The following TAC4 variants were observed in gnomAD, a reference collection of about 807,000 sequenced individuals.
TAC4 encodes tachykinin-4.
Under a neutral mutation model 17.7 loss-of-function variants are expected in TAC4, and 17 were observed. That is an observed-to-expected ratio of 0.96 (90% CI 0.66 to 1.44). The LOEUF (loss-of-function observed/expected upper bound fraction) is 1.44, where lower values mean the gene tolerates loss of function less well. Ranked by LOEUF, TAC4 falls within the 40% of genes most tolerant of loss-of-function variation. TAC4 has a pLI of 0.00. For missense variants in TAC4, 118 were observed against 125.6 expected, an observed-to-expected ratio of 0.94 and a Z score of 0.29; for synonymous variants, 62 against 52.4, an observed-to-expected ratio of 1.18 and a Z score of -0.79.
chr17:49,840,001 G>A (rs951676559), intron 3 of TAC4, 92 bp from the exon 4 acceptor site: 7 of 1,257,696 alleles, frequency 5.6e-6, no homozygotes, highest in South Asian at 1.3e-5. Context: ...GGGCCAGGGC[G>A]AGGGCCGGGG....
intron 2 of TAC4, 145 bp downstream of exon 2, chr17:49,843,919 C>T: frequency 1.4e-6 from 1 of 707,452 alleles, no homozygotes. Flanking sequence ...TATGGACAGT[C>T]TGTGCCACCC....
chr17:49,847,881 C>T lies in TAC4; in HGVS notation c.105+32G>A, dbSNP rs371172205. On this transcript the variant is annotated intron_variant, in intron 1 of 4. Transcript: ENST00000436235. The stretch of plus-strand genomic sequence containing the variant: ...TTATCCCCTGCCCTCGTCAGAGCCT[C>T]TCCCCAAAAGTACCTCCAAGGCCAC... The T allele has an allele frequency of 5.0e-6, 8 of 1,613,816 alleles. No individual in the cohort carries two copies. In the African/African-American group the frequency reaches 1.1e-4, roughly 22 times the overall value.
At chr17:49,847,102 C>A in intron 1 of TAC4, 2 of 1,289,902 alleles carry the variant, frequency 1.6e-6, no homozygotes, top group African/African-American at 3.0e-5. Flanking sequence ...TAAGCGCCTC[C>A]GAGGACCTCA....
intron 2 of TAC4, among the ~76,000 whole-genome samples, chr17:49,843,741 G>A (rs933560949): frequency 7.2e-5 from 11 of 152,084 alleles, no homozygotes; most frequent in East Asian, 3.9e-4. Context: ...TTACAGGCAC[G>A]TGCCACCATG....
In TAC4 at chr17:49,838,534, G is replaced by A; in HGVS notation, c.*108C>T. The A allele has an allele frequency of 1.5e-6, 2 of 1,372,056 alleles. No individual in the cohort carries two copies. The highest frequency in any genetic ancestry group is 2.1e-6 in the Non-Finnish European group (2 of 968,284). 85.0% of individuals were successfully genotyped at this position (1,372,056 alleles called of 1,614,324 possible). On this transcript the variant is annotated 3_prime_UTR_variant, in exon 5 of 5. Transcript: ENST00000436235. ...GGGCCTTGTGTGAAGTGCCAGCGAT[G>A]AGGACAGGAGACACAGAGAAGAGAG...
At chr17:49,847,588 G>A (rs977819841) in intron 1 of TAC4, 5 of 358,080 alleles carry the variant, frequency 1.4e-5, no homozygotes, top group South Asian at 1.2e-4. Context: ...TTCCCCATGA[G>A]GTTGATGGGA....
intron 1 of TAC4, among the ~76,000 whole-genome samples, chr17:49,844,877 A>G (rs949097362): frequency 1.3e-5 from 2 of 152,226 alleles, no homozygotes; most frequent in Non-Finnish European, 2.9e-5. Context: ...AATCTTCACA[A>G]CCACCATAAC....
chr17:49,847,598 A>T (rs2144059669), intron 1 of TAC4: 1 of 365,094 alleles, frequency 2.7e-6, no homozygotes, highest in African/African-American at 2.1e-5. Context: ...GGTTGATGGG[A>T]GGATTGAGTT....
chr17:49,841,559 T>C lies in TAC4; in HGVS notation c.225A>G (p.Arg75=). 3 of 1,580,768 alleles carry C rather than the reference T, an allele frequency of 1.9e-6. No homozygotes were observed. The highest frequency in any genetic ancestry group is 1.8e-5 in the Admixed American group (1 of 55,682). Residue 75 remains arginine (R), a synonymous_variant, in exon 3 of 5, where the codon AGA becomes AGG. Coordinates refer to ENST00000436235, the MANE Select transcript of TAC4 (RefSeq NM_001077506.2). ...GGTTTGGGCAATACTTACCTTTTTT[T>C]CTCCTTGGCTGGATCAGAGGTCTTC... ...VGGRPLIQPR[R]KKAYQLEHTF...
intron 3 of TAC4, among the ~76,000 whole-genome samples, chr17:49,840,564 G>A (rs1182107899): frequency 2.0e-5 from 3 of 152,046 alleles, no homozygotes; most frequent in Non-Finnish European, 2.9e-5. Context: ...ATGCAGTGGC[G>A]TGATCTCGGC....
At chr17:49,841,802 G>A (rs1195522049) in intron 2 of TAC4, among the ~76,000 whole-genome samples, 1 of 152,080 alleles carries the variant, frequency 6.6e-6, no homozygotes. Context: ...ACTGGCACCT[G>A]GTGCCAGCTG....
Position 49,845,889 on chromosome 17 carries a change from G to A in TAC4, c.106-1732C>T, listed in dbSNP as rs546934504. On this transcript the variant is annotated intron_variant, in intron 1 of 4. Transcript: ENST00000436235. ...TGCTTCCCTCCCACCCCACCAGGAC[G>A]TCAGTGGCTGGGGCATCTATCTTGA... The A allele has an allele frequency of 2.3e-3, 431 of 184,718 alleles. 15 individuals are homozygous for A. In the South Asian group the frequency reaches 0.039, roughly 17 times the overall value. 11.4% of individuals were successfully genotyped at this position (184,718 alleles called of 1,614,324 possible). A position where few individuals can be genotyped will look rare whatever the true frequency, so the allele number is the denominator to read the frequency against.
intron 3 of TAC4, 33 bp from the exon 4 acceptor site, chr17:49,839,942 G>A: frequency 2.5e-6 from 4 of 1,607,096 alleles, no homozygotes; most frequent in Middle Eastern, 1.7e-4. Context: ...GTAGAGGAGA[G>A]AGGCAGCAGA....
At chr17:49,840,454 T>G (rs1402655759) in intron 3 of TAC4, among the ~76,000 whole-genome samples, 12 of 152,122 alleles carry the variant, frequency 7.9e-5, no homozygotes, top group Admixed American at 7.9e-4. Context: ...GGGACTAGAC[T>G]TGGTCCTGAG....
chr17:49,843,383 A>C (rs2074512791), intron 2 of TAC4, among the ~76,000 whole-genome samples: 1 of 152,250 alleles, frequency 6.6e-6, no homozygotes, highest in Non-Finnish European at 1.5e-5. Context: ...AATTGACTAG[A>C]AAGCTTGGCT....
intron 3 of TAC4, among the ~76,000 whole-genome samples, chr17:49,840,236 G>C (rs2144034545): frequency 6.6e-6 from 1 of 152,318 alleles, no homozygotes; most frequent in Non-Finnish European, 1.5e-5. Context: ...ATGCCTGCCT[G>C]TTGGGGGGCT....
chr17:49,843,718 T>C (rs2074515091), intron 2 of TAC4, among the ~76,000 whole-genome samples: 1 of 152,188 alleles, frequency 6.6e-6, no homozygotes, highest in Non-Finnish European at 1.5e-5. Context: ...CTCAGCCTCC[T>C]GAGTAGCTGG....
intron 2 of TAC4, among the ~76,000 whole-genome samples, chr17:49,843,286 C>T (rs1405517084): frequency 1.3e-5 from 2 of 152,228 alleles, no homozygotes; most frequent in East Asian, 1.9e-4. Flanking sequence ...AGTATTTTCT[C>T]CTGGTCCCCC....
At chr17:49,847,839 T>C (rs1194221100) in intron 1 of TAC4, 74 bp downstream of exon 1, 1 of 1,610,816 alleles carries the variant, frequency 6.2e-7, no homozygotes, top group East Asian at 2.2e-5. Context: ...GGGGATCTTC[T>C]GCCTCTGCAC....
Sources: allele counts gnomAD v4.1 joint callset (sites outside exome capture counted in the v4.1 genomes callset), GRCh38; gene constraint gnomAD v4.1.1; transcripts MANE v1.5; gene names NCBI Gene and HGNC (gene_info 2026-07-23, HGNC 2026-07-21).